Variants in TVP23B observed in about 807,000 individuals in gnomAD.
The protein encoded by TVP23B is trans-golgi network vesicle protein 23 homolog B.
A neutral mutation model predicts 30.6 loss-of-function variants in TVP23B; 10 were observed. That is an observed-to-expected ratio of 0.33 (90% CI 0.20 to 0.55). TVP23B has a LOEUF of 0.55. Among genes scored for constraint, TVP23B ranks in the 20% least tolerant of loss-of-function variants. TVP23B has a pLI of 0.91. For synonymous variants in TVP23B, 67 were observed against 83.1 expected (o/e 0.81, Z 1.06); for missense variants, 153 against 243.2 (o/e 0.63, Z 2.47).
intron 6 of TVP23B, among the ~76,000 whole-genome samples, chr17:18,804,790 G>A (rs1265601680): frequency 2.0e-5 from 3 of 151,970 alleles, no homozygotes; most frequent in Non-Finnish European, 4.4e-5. Context: ...GGATTTCATC[G>A]TGTTAGCCAG....
chr17:18,796,999 T>A (rs2036086771), intron 3 of TVP23B: 1 of 155,436 alleles, frequency 6.4e-6, no homozygotes. Context: ...ATTGGTTGTC[T>A]GCCTCTCTTC....
intron 1 of TVP23B, among the ~76,000 whole-genome samples, chr17:18,783,262 C>T (rs1300839393): frequency 2.0e-5 from 3 of 152,000 alleles, no homozygotes; most frequent in Admixed American, 6.6e-5. Context: ...CCTGCCACCA[C>T]GCCCGGCTAA....
intron 3 of TVP23B, chr17:18,796,581 C>A (rs1398268996): frequency 3.9e-5 from 6 of 151,988 alleles, no homozygotes; most frequent in South Asian, 2.1e-4. Context: ...AACAAAACTA[C>A]AATATTTTGA....
chr17:18,785,240 A>T (rs377211397), intron 1 of TVP23B, among the ~76,000 whole-genome samples: 1 of 152,170 alleles, frequency 6.6e-6, no homozygotes, highest in Non-Finnish European at 1.5e-5. Context: ...CTCCCTTTCA[A>T]CGCTTTTTGG....
intron 5 of TVP23B, among the ~76,000 whole-genome samples, chr17:18,801,156 G>A (rs368923611): frequency 0.019 from 2,580 of 137,514 alleles, no homozygotes; most frequent in Non-Finnish European, 0.023. Context: ...TGTCAGCTCC[G>A]TTTTCATCTC....
At chr17:18,785,135 C>T (rs1045818407) in intron 1 of TVP23B, among the ~76,000 whole-genome samples, 1 of 152,104 alleles carries the variant, frequency 6.6e-6, no homozygotes, top group African/African-American at 2.4e-5. Context: ...CTTCTTCTCC[C>T]CTCCCCCTCC....
Position 18,791,187 on chromosome 17 carries a change from G to GTTT in TVP23B, c.240+170_240+172dup, listed in dbSNP as rs762889436. The GTTT allele has an allele frequency of 3.4e-3, 381 of 112,180 alleles. 1 individual carries two copies. Among genetic ancestry groups the GTTT allele is most frequent in the South Asian group, 9.7e-3 (36 of 3,726 alleles). The allele number at this position is 112,180 out of a possible 1,614,324, so 6.9% of individuals were successfully genotyped here. ...TGCTAGATATATCAAATTGCATGTAGTTTTTTTTTTTTTTTTTTTTTTTTT... is the reference window on the plus strand; with the variant it reads ...TGCTAGATATATCAAATTGCATGTAGTTTTTTTTTTTTTTTTTTTTTTTTTTTT... On this transcript the variant is annotated intron_variant, in intron 3 of 6. Transcript: ENST00000307767.
intron 5 of TVP23B, among the ~76,000 whole-genome samples, chr17:18,802,891 T>C (rs1178778822): frequency 6.6e-6 from 1 of 152,066 alleles, no homozygotes; most frequent in Non-Finnish European, 1.5e-5. Flanking sequence ...TAAAAGGAAA[T>C]TTATTCAAAT....
At chr17:18,805,308 T>C (rs1044129267) in intron 6 of TVP23B, among the ~76,000 whole-genome samples, 3 of 151,856 alleles carry the variant, frequency 2.0e-5, no homozygotes, top group Admixed American at 2.0e-4. Flanking sequence ...ATGGTCTCGA[T>C]CTCCTGACCT....
chr17:18,792,268 T>C (rs577645194), intron 3 of TVP23B, among the ~76,000 whole-genome samples: 2 of 152,164 alleles, frequency 1.3e-5, no homozygotes, highest in Non-Finnish European at 2.9e-5. Flanking sequence ...ACTTCTGACC[T>C]CAAGGGATCT....
At position 18,781,198 on chromosome 17, in the gene TVP23B, G is replaced by T. The variant is rs541471949; in HGVS notation, c.-96G>T. The T allele has an allele frequency of 9.6e-4, 1,474 of 1,535,734 alleles. 1 individual carries two copies. The highest frequency in any genetic ancestry group is 1.2e-3 in the Admixed American group (59 of 50,062). ...GACTGAGGCTCTTACAGTGGTCCCT[G>T]CTGGCCCTTGGTGACGGGTCGCCTC... On this transcript the variant is annotated 5_prime_UTR_variant, in exon 1 of 7. Transcript: ENST00000307767.
intron 1 of TVP23B, among the ~76,000 whole-genome samples, chr17:18,786,276 G>T (rs1291073059): frequency 1.3e-5 from 2 of 151,374 alleles, no homozygotes; most frequent in Admixed American, 6.6e-5. Flanking sequence ...ATATTCACAG[G>T]TTCCAGAGAT....
At chr17:18,801,152 C>G (rs2036160313) in intron 5 of TVP23B, among the ~76,000 whole-genome samples, 1 of 152,190 alleles carries the variant, frequency 6.6e-6, no homozygotes, top group African/African-American at 2.4e-5. Flanking sequence ...GCTTTGTCAG[C>G]TCCGTTTTCA....
chr17:18,802,595 G>A (rs1333790416), intron 5 of TVP23B, among the ~76,000 whole-genome samples: 1 of 151,924 alleles, frequency 6.6e-6, no homozygotes, highest in African/African-American at 2.4e-5. Flanking sequence ...GCTCCAACCT[G>A]GCTCTTTCTT....
intron 1 of TVP23B, among the ~76,000 whole-genome samples, chr17:18,784,306 A>G (rs1175567970): frequency 6.6e-6 from 1 of 152,020 alleles, no homozygotes. Context: ...CCCTCTCCCA[A>G]CCATACTGGA....
intron 3 of TVP23B, 138 bp from the exon 4 acceptor site, chr17:18,797,441 A>G (rs2036092690): frequency 4.2e-6 from 6 of 1,439,772 alleles, no homozygotes; most frequent in Non-Finnish European, 5.6e-6. Flanking sequence ...CCTGATACAT[A>G]GTAGTCTTTG....
intron 3 of TVP23B, among the ~76,000 whole-genome samples, chr17:18,794,998 C>G (rs1395592086): frequency 1.5e-4 from 17 of 115,974 alleles, no homozygotes; most frequent in African/African-American, 5.5e-4. Context: ...ATGTGGCTGT[C>G]TTGAAGGCAT....
rs2036247679 is a variant in TVP23B, at chr17:18,806,123, G to A, written c.*556G>A. ...ATGCAAGCAAGTGAAAACAATTAGG[G>A]CCAGTGGTATTAACTACTTTATAAA... On this transcript the variant is annotated 3_prime_UTR_variant, in exon 7 of 7. Transcript: ENST00000307767. The A allele has an allele frequency of 3.1e-6, 3 of 955,554 alleles. No homozygotes were observed. Among genetic ancestry groups the A allele is most frequent in the Non-Finnish European group, 3.7e-6 (3 of 802,864 alleles). 59.2% of individuals were successfully genotyped at this position (955,554 alleles called of 1,614,324 possible).
intron 2 of TVP23B, among the ~76,000 whole-genome samples, chr17:18,790,537 C>G (rs2035976733): frequency 6.6e-6 from 1 of 150,944 alleles, no homozygotes; most frequent in Non-Finnish European, 1.5e-5. Flanking sequence ...TGAGTGATTT[C>G]TGAGGGCTAA....
Sources: gnomAD v4.1 joint callset for allele counts (sites outside exome capture counted in the v4.1 genomes callset) on GRCh38, gnomAD v4.1.1 for gene constraint, MANE v1.5 for transcripts, NCBI Gene and HGNC (gene_info 2026-07-23, HGNC 2026-07-21) for gene names.